GSK3B: variants seen among roughly 807,000 people sequenced by gnomAD.
The protein encoded by GSK3B is glycogen synthase kinase 3 beta.
GSK3B carries 15 observed loss-of-function variants against 56.4 expected under a neutral mutation model. The ratio of observed to expected loss-of-function variants is 0.27; its 90% CI spans 0.18 to 0.41. The LOEUF is 0.41. Among genes scored for constraint, GSK3B ranks in the 10% least tolerant of loss-of-function variants. GSK3B has a pLI of 1.00. For synonymous variants in GSK3B, 181 were observed against 188.9 expected (o/e 0.96, Z 0.34); for missense variants, 300 against 513.4 (o/e 0.58, Z 4.02).
At chr3:119,922,228 G>GGGAAGGAGGGAA (rs2056849418) in intron 4 of GSK3B, among the ~76,000 whole-genome samples, 2 of 61,490 alleles carry the variant, frequency 3.3e-5, no homozygotes, top group Non-Finnish European at 5.5e-5. Flanking sequence ...GAAGGAAGGA[G>GGGAAGGAGGGAA]GGAAGGAAGG....
At chr3:120,025,717 T>G (rs2057916973) in intron 1 of GSK3B, among the ~76,000 whole-genome samples, 1 of 152,082 alleles carries the variant, frequency 6.6e-6, no homozygotes, top group Non-Finnish European at 1.5e-5. Context: ...CTACCAGGCA[T>G]CCAAACAGAA....
At chr3:120,033,344 T>C (rs150942804) in intron 1 of GSK3B, among the ~76,000 whole-genome samples, 2 of 152,336 alleles carry the variant, frequency 1.3e-5, no homozygotes, top group African/African-American at 2.4e-5. Flanking sequence ...TAACTAGGCA[T>C]AGAATTGCTA....
In GSK3B at chr3:120,052,566, T is replaced by C. The variant is rs181190257; in HGVS notation, c.88+40781A>G. Among the ~76,000 whole-genome samples, 6 of 152,294 alleles carry C rather than the reference T, an allele frequency of 3.9e-5. No homozygotes were observed. In the East Asian group the frequency reaches 9.6e-4, roughly 24 times the overall value. On this transcript the variant is annotated intron_variant, in intron 1 of 10. Coordinates refer to ENST00000264235, the MANE Select transcript of GSK3B (RefSeq NM_001146156.2). ...TTTTTACCTCTCATTTTTAAACACATTAACCTTCCCTAAACCACTGTTAAC... is the reference window on the plus strand; with the variant it reads ...TTTTTACCTCTCATTTTTAAACACACTAACCTTCCCTAAACCACTGTTAAC...
intron 8 of GSK3B, among the ~76,000 whole-genome samples, chr3:119,873,548 T>G (rs779808096): frequency 1.8e-4 from 28 of 152,142 alleles, no homozygotes; most frequent in Non-Finnish European, 3.8e-4. Flanking sequence ...ATATGGTTTT[T>G]AAATGACTCA....
intron 6 of GSK3B, among the ~76,000 whole-genome samples, chr3:119,910,789 T>C (rs2056727964): frequency 6.6e-6 from 1 of 152,222 alleles, no homozygotes. Context: ...AATTATGTAA[T>C]ATTCTAAATC....
At chr3:120,080,102 G>GT (rs1405987560) in intron 1 of GSK3B, among the ~76,000 whole-genome samples, 2 of 151,984 alleles carry the variant, frequency 1.3e-5, no homozygotes, top group African/African-American at 4.8e-5. Context: ...ACCAGCCTGG[G>GT]TAATATAGCA....
chr3:120,035,658 A>C (rs2058016426), intron 1 of GSK3B, among the ~76,000 whole-genome samples: 1 of 152,128 alleles, frequency 6.6e-6, no homozygotes, highest in Non-Finnish European at 1.5e-5. Context: ...ATTTCTTTCA[A>C]CGATGTTTTG....
chr3:119,998,487 T>C (rs2057645675), intron 2 of GSK3B, among the ~76,000 whole-genome samples: 1 of 152,128 alleles, frequency 6.6e-6, no homozygotes, highest in Non-Finnish European at 1.5e-5. Context: ...GGGCCAGAGG[T>C]TCCTAGCTAA....
chr3:119,850,622 T>A (rs2055917422), intron 9 of GSK3B, among the ~76,000 whole-genome samples: 1 of 152,158 alleles, frequency 6.6e-6, no homozygotes, highest in Non-Finnish European at 1.5e-5. Context: ...TCTAATCACT[T>A]TGTCTACCCA....
chr3:119,844,502 C>T (rs1032519659), intron 9 of GSK3B, among the ~76,000 whole-genome samples: 8 of 152,070 alleles, frequency 5.3e-5, no homozygotes, highest in African/African-American at 1.7e-4. Context: ...GGGGAGATCA[C>T]CACTGATCCC....
chr3:119,939,080 G>A (rs536789762), intron 3 of GSK3B, among the ~76,000 whole-genome samples: 3 of 151,974 alleles, frequency 2.0e-5, no homozygotes, highest in Non-Finnish European at 4.4e-5. Context: ...GGGCTAAAAG[G>A]GGGGCTGGGG....
chr3:119,949,882 T>C (rs1040437216), intron 2 of GSK3B, among the ~76,000 whole-genome samples: 1 of 151,978 alleles, frequency 6.6e-6, no homozygotes, highest in African/African-American at 2.4e-5. Flanking sequence ...TTTTTATCTA[T>C]TAAGTTTTTT....
At chr3:119,966,452 A>G (rs542655017) in intron 2 of GSK3B, among the ~76,000 whole-genome samples, 1 of 152,182 alleles carries the variant, frequency 6.6e-6, no homozygotes, top group Non-Finnish European at 1.5e-5. Flanking sequence ...AAATTTAGAG[A>G]GGTAAAATGA....
intron 2 of GSK3B, among the ~76,000 whole-genome samples, chr3:119,981,053 G>A (rs1309676317): frequency 6.6e-6 from 1 of 152,162 alleles, no homozygotes; most frequent in Non-Finnish European, 1.5e-5. Flanking sequence ...GTAACTCTTA[G>A]CTGGACAACT....
At chr3:119,941,717 T>C (rs1367702770) in intron 3 of GSK3B, among the ~76,000 whole-genome samples, 2 of 152,220 alleles carry the variant, frequency 1.3e-5, no homozygotes, top group Non-Finnish European at 2.9e-5. Flanking sequence ...TTATTAAGTG[T>C]TAATTTATAT....
chr3:119,842,210 T>C (rs1009326379), intron 10 of GSK3B, among the ~76,000 whole-genome samples: 36 of 152,282 alleles, frequency 2.4e-4, no homozygotes, highest in African/African-American at 6.7e-4. Flanking sequence ...CTCTTAAGGG[T>C]TGGATATTTT....
At chr3:120,008,056 G>C (rs1235261906) in intron 1 of GSK3B, among the ~76,000 whole-genome samples, 1 of 152,168 alleles carries the variant, frequency 6.6e-6, no homozygotes, top group Non-Finnish European at 1.5e-5. Context: ...CAAAATCAAT[G>C]TGCAAAAATC....
At chr3:119,843,919 T>A (rs543130593) in intron 9 of GSK3B, among the ~76,000 whole-genome samples, 38 of 152,154 alleles carry the variant, frequency 2.5e-4, no homozygotes, top group African/African-American at 9.2e-4. Flanking sequence ...ACCACATAAT[T>A]GGAAGTAAAA....
chr3:119,902,972 C>T (rs2056639930), intron 7 of GSK3B, among the ~76,000 whole-genome samples: 1 of 152,098 alleles, frequency 6.6e-6, no homozygotes, highest in Non-Finnish European at 1.5e-5. Context: ...ACCTCGGCCT[C>T]CCAAAGTGCT....
Sources: gnomAD v4.1 joint callset for allele counts (sites outside exome capture counted in the v4.1 genomes callset) on GRCh38, gnomAD v4.1.1 for gene constraint, MANE v1.5 for transcripts, NCBI Gene and HGNC (gene_info 2026-07-23, HGNC 2026-07-21) for gene names.